The following JAK2 variants were observed in gnomAD, a reference collection of about 807,000 sequenced individuals.
JAK2 encodes the protein Janus kinase 2.
A neutral mutation model predicts 139.3 loss-of-function variants in JAK2; 86 were observed. The ratio of observed to expected loss-of-function variants is 0.62; its 90% confidence interval spans 0.52 to 0.74. JAK2 has a LOEUF of 0.74. Among genes scored for constraint, JAK2 ranks in the 30% least tolerant of loss-of-function variants. The probability of loss-of-function intolerance (pLI) is 0.00; values close to 1 mark genes in which losing one functional copy is unlikely to be tolerated. For missense variants in JAK2, 1,421 were observed against 1,360.3 expected (o/e 1.04, Z -0.70); for synonymous variants, 490 against 437.7 (o/e 1.12, Z -1.49).
intron 19 of JAK2, chr9:5,085,498 C>A: frequency 1.4e-6 from 1 of 720,512 alleles, no homozygotes; most frequent in Non-Finnish European, 2.6e-6. Flanking sequence ...TTCTTTTGAC[C>A]CGAGCTGAAG....
chr9:5,111,740 C>T, intron 22 of JAK2: 1 of 429,660 alleles, frequency 2.3e-6, no homozygotes, highest in South Asian at 1.7e-5. Context: ...GGGCTACCGG[C>T]TGCACGGAGG....
At chr9:4,995,293 G>C (rs1479364638) in intron 2 of JAK2, among the ~76,000 whole-genome samples, 1 of 152,128 alleles carries the variant, frequency 6.6e-6, no homozygotes, top group Non-Finnish European at 1.5e-5. Flanking sequence ...GAAATGAGTT[G>C]TTTTCCCTAG....
rs143015863 is a variant in JAK2 at position 5,026,407 on chromosome 9, C to T, written c.227-3376C>T. On this transcript the variant is annotated intron_variant, in intron 3 of 24. Transcript: ENST00000381652. ...AATAATGTTATTATAAATAACTTAC[C>T]GAAATTATTACACATCTGTAAGTAG... Among the ~76,000 whole-genome samples, 108 of 152,038 alleles carry T rather than the reference C, an allele frequency of 7.1e-4. 2 individuals are homozygous for T. The East Asian group carries it at 0.015, about 21-fold the overall frequency.
At chr9:5,062,837 T>C (rs536284257) in intron 8 of JAK2, among the ~76,000 whole-genome samples, 29 of 152,176 alleles carry the variant, frequency 1.9e-4, no homozygotes, top group Non-Finnish European at 2.2e-4. Context: ...CAATACCTCA[T>C]GTGTTTATAG....
intron 22 of JAK2, among the ~76,000 whole-genome samples, chr9:5,092,329 T>C (rs554850298): frequency 6.6e-6 from 1 of 152,082 alleles, no homozygotes; most frequent in Non-Finnish European, 1.5e-5. Flanking sequence ...TCTAGAAATA[T>C]TATTTAAATT....
At chr9:5,099,541 C>T (rs531385139) in intron 22 of JAK2, 1 of 152,098 alleles carries the variant, frequency 6.6e-6, no homozygotes, top group Non-Finnish European at 1.5e-5. Context: ...CACAAAAACA[C>T]AAGGCTTCCT....
intron 9 of JAK2, among the ~76,000 whole-genome samples, chr9:5,065,728 A>G (rs1303157595): frequency 6.6e-6 from 1 of 152,204 alleles, no homozygotes; most frequent in Non-Finnish European, 1.5e-5. Flanking sequence ...ATTTAGCTTA[A>G]GTCCTAATGA....
intron 22 of JAK2, among the ~76,000 whole-genome samples, chr9:5,116,007 G>A (rs776670330): frequency 7.9e-5 from 12 of 151,842 alleles, no homozygotes; most frequent in African/African-American, 2.2e-4. Context: ...GTATACCTAC[G>A]TTAACAAACC....
At chr9:5,006,110 T>G (rs1821283415) in intron 2 of JAK2, among the ~76,000 whole-genome samples, 1 of 152,234 alleles carries the variant, frequency 6.6e-6, no homozygotes, top group South Asian at 2.1e-4. Flanking sequence ...ACGATATTGA[T>G]TCTTCCTACC....
At chr9:5,009,902 C>T (rs1821576988) in intron 2 of JAK2, among the ~76,000 whole-genome samples, 1 of 152,042 alleles carries the variant, frequency 6.6e-6, no homozygotes, top group African/African-American at 2.4e-5. Flanking sequence ...TCCCAAGTAG[C>T]TAGTACTACA....
At chr9:5,031,980 C>T (rs77903220) in intron 4 of JAK2, among the ~76,000 whole-genome samples, 17 of 152,342 alleles carry the variant, frequency 1.1e-4, no homozygotes, top group South Asian at 8.3e-4. Flanking sequence ...ACCCGGGAAG[C>T]GCAAAGGGTC....
intron 2 of JAK2, among the ~76,000 whole-genome samples, chr9:4,998,399 G>C (rs1349015986): frequency 6.6e-6 from 1 of 152,066 alleles, no homozygotes; most frequent in African/African-American, 2.4e-5. Context: ...TGGGATTATA[G>C]GCGCGCACCA....
At chr9:5,114,379 C>T (rs1007903173) in intron 22 of JAK2, 42 of 525,194 alleles carry the variant, frequency 8.0e-5, no homozygotes, top group African/African-American at 6.7e-4. Context: ...TTCACCATCA[C>T]GTCCACCCTG....
At chr9:5,003,838 G>T (rs1163223241) in intron 2 of JAK2, among the ~76,000 whole-genome samples, 3 of 144,828 alleles carry the variant, frequency 2.1e-5, no homozygotes, top group African/African-American at 7.3e-5. Context: ...TTTTTTTACT[G>T]TTACCCTTTA....
chr9:5,124,393 A>C (rs549993820), intron 23 of JAK2, among the ~76,000 whole-genome samples: 23 of 151,638 alleles, frequency 1.5e-4, no homozygotes, highest in Non-Finnish European at 2.8e-4. Flanking sequence ...CTATATGGTG[A>C]TAAATATGGG....
chr9:5,063,928 C>T (rs1398903876), intron 8 of JAK2, among the ~76,000 whole-genome samples: 7 of 152,178 alleles, frequency 4.6e-5, no homozygotes, highest in Non-Finnish European at 8.8e-5. Context: ...GAGGCCAAGG[C>T]GGGCGGATCA....
intron 23 of JAK2, 137 bp from the exon 24 acceptor site, chr9:5,126,196 T>G: frequency 1.7e-6 from 1 of 574,868 alleles, no homozygotes; most frequent in East Asian, 3.0e-5. Flanking sequence ...ATCCTAAAAG[T>G]AGTTTGTTTT....
chr9:5,074,279 T>C (rs1819165382), intron 14 of JAK2, among the ~76,000 whole-genome samples: 1 of 152,182 alleles, frequency 6.6e-6, no homozygotes, highest in Non-Finnish European at 1.5e-5. Context: ...GCTTTAATAC[T>C]ATACAGGCAT....
chr9:4,994,966 C>G (rs1029190187), intron 2 of JAK2, among the ~76,000 whole-genome samples: 2 of 151,898 alleles, frequency 1.3e-5, no homozygotes, highest in African/African-American at 4.8e-5. Context: ...GTGACTATAA[C>G]TAAAGATTAA....
Sources: allele counts gnomAD v4.1 joint callset (sites outside exome capture counted in the v4.1 genomes callset), GRCh38; gene constraint gnomAD v4.1.1; transcripts MANE v1.5; gene names NCBI Gene and HGNC (gene_info 2026-07-23, HGNC 2026-07-21).